The following SMO variants were observed in gnomAD, a reference collection of about 807,000 sequenced individuals.
SMO encodes the protein protein smoothened.
SMO carries 40 observed loss-of-function variants against 81.6 expected under a neutral mutation model. That is an observed-to-expected ratio of 0.49 (90% confidence interval 0.38 to 0.64). SMO has a LOEUF of 0.64. Among genes scored for constraint, SMO ranks in the 30% least tolerant of loss-of-function variants. The pLI is 0.00. For synonymous variants in SMO, 434 were observed against 432.1 expected (o/e 1.00, Z -0.05); for missense variants, 916 against 1,061.1 (o/e 0.86, Z 1.90).
chr7:129,209,780 CCTG>C, intron 8 of SMO: 1 of 208,934 alleles, frequency 4.8e-6, no homozygotes, highest in Non-Finnish European at 9.7e-6. Context: ...AGGTTAATGA[CCTG>C]CTAATGTTGG....
intron 1 of SMO, among the ~76,000 whole-genome samples, chr7:129,202,588 G>T (rs938008935): frequency 6.6e-6 from 1 of 152,156 alleles, no homozygotes; most frequent in African/African-American, 2.4e-5. Context: ...TTTCTGTCTT[G>T]CTGACAACAT....
chr7:129,199,006 C>T lies in SMO; in HGVS notation c.332-4378C>T, dbSNP rs143696728. Among the ~76,000 whole-genome samples the T allele has an allele frequency of 7.3e-4, 111 of 152,220 alleles. No homozygotes were observed. In the East Asian group the frequency reaches 0.015, roughly 20 times the overall value. ...ACTTTTTTGCTATTGCAAAACAGTG[C>T]TGCAATGAATAATCTATATTATCTT... On this transcript the variant is annotated intron_variant, in intron 1 of 11. Coordinates refer to ENST00000249373, the MANE Select transcript of SMO (RefSeq NM_005631.5).
chr7:129,197,371 G>A (rs79049634), intron 1 of SMO, among the ~76,000 whole-genome samples: 215 of 152,096 alleles, frequency 1.4e-3, no homozygotes, highest in African/African-American at 3.7e-3. Context: ...GATTAAGAAC[G>A]TTGTCTCTTA....
intron 1 of SMO, among the ~76,000 whole-genome samples, chr7:129,198,450 C>T (rs969006724): frequency 3.3e-5 from 5 of 152,168 alleles, no homozygotes; most frequent in South Asian, 2.1e-4. Context: ...TCTCCTCTAC[C>T]GCCCAACCAG....
At chr7:129,196,776 G>A (rs1563146679) in intron 1 of SMO, among the ~76,000 whole-genome samples, 1 of 152,104 alleles carries the variant, frequency 6.6e-6, no homozygotes. Context: ...CCAGCACTTC[G>A]GGAGGCCAAG....
At chr7:129,203,687 C>A in intron 2 of SMO, 98 bp downstream of exon 2, 1 of 916,910 alleles carries the variant, frequency 1.1e-6, no homozygotes, top group Non-Finnish European at 1.6e-6. Flanking sequence ...AGAGCTTTGT[C>A]TCCTGGAGAC....
chr7:129,209,436 G>A (rs1468598653), intron 8 of SMO, 39 bp downstream of exon 8: 9 of 1,417,892 alleles, frequency 6.3e-6, no homozygotes, highest in Non-Finnish European at 9.0e-6. Flanking sequence ...CTGGGAGCTG[G>A]AGCCAAGGCC....
chr7:129,195,459 T>C (rs1282704905), intron 1 of SMO, among the ~76,000 whole-genome samples: 2 of 152,244 alleles, frequency 1.3e-5, no homozygotes, highest in African/African-American at 4.8e-5. Context: ...CCTTTTTAAA[T>C]GCTTACTGGC....
intron 1 of SMO, among the ~76,000 whole-genome samples, chr7:129,193,785 A>AT (rs1235503565): frequency 3.4e-4 from 9 of 26,340 alleles, no homozygotes; most frequent in Non-Finnish European, 5.0e-4. Context: ...AAAAAAAAAA[A>AT]ATATATATAT....
chr7:129,198,107 G>C (rs116557786), intron 1 of SMO, among the ~76,000 whole-genome samples: 1 of 151,686 alleles, frequency 6.6e-6, no homozygotes, highest in African/African-American at 2.4e-5. Context: ...CTCAAGTTTT[G>C]TTTTTGTTTT....
rs901229721 is a variant in SMO, at chr7:129,201,320, A to C, written c.332-2064A>C. On this transcript the variant is annotated intron_variant, in intron 1 of 11. Coordinates refer to ENST00000249373, the MANE Select transcript of SMO (RefSeq NM_005631.5). ...TCGGCCTCCCAAGTTCTGGGATTAC[A>C]GGTTTGAGCCACCATGCCCAGCCGA... Among the ~76,000 whole-genome samples the C allele has an allele frequency of 3.3e-5, 5 of 152,312 alleles. No homozygotes were observed. In the South Asian group the frequency reaches 6.2e-4, roughly 19 times the overall value.
Position 129,210,862 on chromosome 7 carries a change from G to T in SMO, c.1653-103G>T, listed in dbSNP as rs1793857434. The T allele has an allele frequency of 7.5e-7, 1 of 1,328,146 alleles. No individual in the cohort carries two copies. Among genetic ancestry groups the T allele is most frequent in the East Asian group, 2.4e-5 (1 of 42,292 alleles). The allele number at this position is 1,328,146 out of a possible 1,614,324, so 82.3% of individuals were successfully genotyped here. A position where few individuals can be genotyped will look rare whatever the true frequency, so the allele number is the denominator to read the frequency against. On this transcript the variant is annotated intron_variant, in intron 9 of 11. Coordinates refer to ENST00000249373, the MANE Select transcript of SMO (RefSeq NM_005631.5). The surrounding 1 kb of genome is among the most constrained non-coding windows in gnomAD (Gnocchi z 4.7). ...AGTCCTTGAAGGACTTGAGGCCCTT[G>T]GGAGCCTCCTTCTCTGGAAAGAATG... is the stretch of plus-strand genomic sequence containing the variant.
chr7:129,209,028 C>G (rs891150555), intron 7 of SMO, 177 bp downstream of exon 7: 1 of 621,594 alleles, frequency 1.6e-6, no homozygotes, highest in African/African-American at 1.8e-5. Flanking sequence ...AGGGGGTCTA[C>G]TCGGGGGGAA....
At chr7:129,195,191 G>C (rs1009280988) in intron 1 of SMO, among the ~76,000 whole-genome samples, 9 of 152,212 alleles carry the variant, frequency 5.9e-5, no homozygotes, top group African/African-American at 2.2e-4. Context: ...ACTGGCACAA[G>C]TTCCTTCAGG....
Position 129,210,487 on chromosome 7 carries a change from G to A in SMO, c.1591G>A (p.Ala531Thr), listed in dbSNP as rs370484649. Residue 531 changes from alanine to threonine, a missense_variant, in exon 9 of 12, where the codon GCC (alanine) becomes ACC (threonine). Ala to Thr is a moderately conservative substitution (Grantham distance 58, BLOSUM62 0). This residue lies in a region of SMO where 436 missense variants were observed against 570.9 expected (regional missense o/e 0.76). Transcript: ENST00000249373. This position sits in a 1 kb window ranked among gnomAD's most constrained non-coding sequence, Gnocchi z 4.7. The stretch of plus-strand genomic sequence containing the variant: ...GTTTGCCATGTTTGGAACTGGCATC[G>A]CCATGAGCACCTGGGTCTGGACCAA... The part of the protein sequence containing the change: ...NLFAMFGTGI[A>T]MSTWVWTKAT... The A allele has an allele frequency of 2.5e-6, 4 of 1,614,122 alleles. No individual in the cohort carries two copies. Among genetic ancestry groups the A allele is most frequent in the Admixed American group, 1.7e-5 (1 of 60,028 alleles).
intron 1 of SMO, among the ~76,000 whole-genome samples, chr7:129,195,023 G>A (rs1793548628): frequency 6.6e-6 from 1 of 152,040 alleles, no homozygotes; most frequent in African/African-American, 2.4e-5. Flanking sequence ...CTTCAGGTGA[G>A]CCACCCGCCT....
At chr7:129,192,374 A>G (rs1036109428) in intron 1 of SMO, among the ~76,000 whole-genome samples, 1 of 152,220 alleles carries the variant, frequency 6.6e-6, no homozygotes, top group African/African-American at 2.4e-5. Context: ...ATTAGAAAAT[A>G]AAGGGATTTA....
intron 1 of SMO, 26 bp from the exon 2 acceptor site, chr7:129,203,358 C>T (rs936916331): frequency 6.5e-6 from 10 of 1,527,092 alleles, no homozygotes; most frequent in Non-Finnish European, 8.9e-6. Flanking sequence ...GAGGGGCCTT[C>T]ACTGCAATGC....
intron 1 of SMO, among the ~76,000 whole-genome samples, chr7:129,202,774 A>G (rs1276332266): frequency 6.6e-6 from 1 of 152,108 alleles, no homozygotes; most frequent in Non-Finnish European, 1.5e-5. Flanking sequence ...GGGCAAAGGG[A>G]AACATCTCCT....
Sources: allele counts gnomAD v4.1 joint callset (sites outside exome capture counted in the v4.1 genomes callset), GRCh38; gene constraint gnomAD v4.1.1; regional missense constraint gnomAD v4.1.1; non-coding constraint Gnocchi (gnomAD v3.1); transcripts MANE v1.5; gene names NCBI Gene and HGNC (gene_info 2026-07-23, HGNC 2026-07-21).